SLC35D2: variants seen among roughly 807,000 people sequenced by gnomAD.
The protein encoded by SLC35D2 is solute carrier family 35 member D2.
In SLC35D2, 43 loss-of-function variants were observed where a neutral mutation model predicts 41.8. The observed-to-expected ratio is 1.03, with a 90% confidence interval of 0.81 to 1.33. The LOEUF (loss-of-function observed/expected upper bound fraction) is 1.33. SLC35D2 is among the 40% of genes most tolerant of loss of function. The probability of loss-of-function intolerance (pLI) is 0.00; values close to 1 mark genes in which losing one functional copy is unlikely to be tolerated. For missense variants in SLC35D2, 380 were observed against 408.4 expected, an observed-to-expected ratio of 0.93 and a Z score of 0.60; for synonymous variants, 150 against 163.9, an observed-to-expected ratio of 0.92 and a Z score of 0.65.
At chr9:96,366,795 G>T in intron 2 of SLC35D2, among the ~76,000 whole-genome samples, 1 of 148,924 alleles carries the variant, frequency 6.7e-6, no homozygotes. Context: ...TTTTTTTAAC[G>T]TGCTTTTTCC....
intron 8 of SLC35D2, among the ~76,000 whole-genome samples, chr9:96,337,381 T>C (rs1193999060): frequency 2.1e-5 from 3 of 145,590 alleles, no homozygotes; most frequent in African/African-American, 7.5e-5. Flanking sequence ...GCCTGGCTAA[T>C]TTTTTTTTTT....
chr9:96,324,048 T>C, intron 10 of SLC35D2, 43 bp downstream of exon 10: 1 of 1,542,194 alleles, frequency 6.5e-7, no homozygotes, highest in Non-Finnish European at 9.0e-7. Context: ...TGGATTTCCA[T>C]TCCTTGACTC....
At chr9:96,338,955 CAAA>C (rs1454836913) in intron 8 of SLC35D2, among the ~76,000 whole-genome samples, 1 of 152,138 alleles carries the variant, frequency 6.6e-6, no homozygotes, top group Non-Finnish European at 1.5e-5. Context: ...TCTATTCTCT[CAAA>C]GAGCTAAAAG....
intron 1 of SLC35D2, among the ~76,000 whole-genome samples, chr9:96,371,067 C>T: frequency 6.6e-6 from 1 of 152,166 alleles, no homozygotes; most frequent in East Asian, 1.9e-4. Flanking sequence ...AGAAAACCAC[C>T]ACTATACAGG....
chr9:96,361,262 C>T (rs1170283267), intron 3 of SLC35D2, among the ~76,000 whole-genome samples: 4 of 152,122 alleles, frequency 2.6e-5, no homozygotes, highest in African/African-American at 9.7e-5. Flanking sequence ...TCTTGTTTTT[C>T]CCCACATTTA....
exon 12 of SLC35D2, among the ~76,000 whole-genome samples, chr9:96,313,620 T>C (rs1827982999): frequency 6.6e-6 from 1 of 152,200 alleles, no homozygotes; most frequent in African/African-American, 2.4e-5. Flanking sequence ...GACTATCTAA[T>C]GTAACCCAAG....
chr9:96,316,067 T>G (rs2130814747), downstream of SLC35D2, among the ~76,000 whole-genome samples: 1 of 152,340 alleles, frequency 6.6e-6, no homozygotes, highest in African/African-American at 2.4e-5. Context: ...CTACTGTGGT[T>G]TCTCCTACAT....
chr9:96,370,130 AT>A (rs1830620005), intron 1 of SLC35D2, among the ~76,000 whole-genome samples: 3 of 152,242 alleles, frequency 2.0e-5, no homozygotes, highest in African/African-American at 7.2e-5. Flanking sequence ...CTGCAGGGGT[AT>A]AACGGCTACA....
intron 9 of SLC35D2, among the ~76,000 whole-genome samples, chr9:96,328,590 T>G (rs999511667): frequency 5.3e-5 from 8 of 152,222 alleles, no homozygotes; most frequent in African/African-American, 1.7e-4. Flanking sequence ...GCTCAAAGCC[T>G]TCTTCTTCCT....
intron 1 of SLC35D2, among the ~76,000 whole-genome samples, chr9:96,378,490 A>G (rs1489697555): frequency 2.6e-5 from 4 of 152,166 alleles, no homozygotes; most frequent in African/African-American, 7.2e-5. Context: ...CTAAACATAT[A>G]TAGTAAATAG....
chr9:96,352,154 G>A lies in SLC35D2; in HGVS notation c.348-45C>T, dbSNP rs1246891800. 6 of 1,363,894 alleles carry A rather than the reference G, an allele frequency of 4.4e-6. No homozygotes were observed. The African/African-American group carries it at 8.6e-5, about 20-fold the overall frequency. The allele number at this position is 1,363,894 out of a possible 1,614,324, so 84.5% of individuals were successfully genotyped here. A position where few individuals can be genotyped will look rare whatever the true frequency, so the allele number is the denominator to read the frequency against. Reference sequence around the variant, plus strand: ...GCATGTCAGACACCAAGGGTTGGTTGATTGGTTTTATCTTTTACATGTTTT... The same window carrying A: ...GCATGTCAGACACCAAGGGTTGGTTAATTGGTTTTATCTTTTACATGTTTT... On this transcript the variant is annotated intron_variant, in intron 4 of 11. Coordinates refer to ENST00000253270, the MANE Select transcript of SLC35D2 (RefSeq NM_007001.3).
At chr9:96,383,093 G>C (rs1005440278) in intron 1 of SLC35D2, among the ~76,000 whole-genome samples, 1 of 152,288 alleles carries the variant, frequency 6.6e-6, no homozygotes, top group South Asian at 2.1e-4. Context: ...AATCAATACA[G>C]ACTTACTGGC....
At position 96,324,847 on chromosome 9, in the gene SLC35D2, G is replaced by T. The variant is rs576027857; in HGVS notation, c.753-678C>A. Among the ~76,000 whole-genome samples the T allele has an allele frequency of 1.6e-4, 24 of 151,570 alleles. No homozygotes were observed. The East Asian group carries it at 4.7e-3, about 30-fold the overall frequency. On this transcript the variant is annotated intron_variant, in intron 9 of 11. Transcript: ENST00000253270. ...TAGGATTACAGGCGTGAGCCACCGC[G>T]CCTGGCCCGCCTGCTGCACTTCCAA...
chr9:96,366,063 G>C (rs1380521073), intron 2 of SLC35D2, among the ~76,000 whole-genome samples: 3 of 152,108 alleles, frequency 2.0e-5, no homozygotes, highest in African/African-American at 7.2e-5. Context: ...CAACACTTTG[G>C]AGGCCAAGGT....
At chr9:96,359,809 A>T (rs1830186716) in intron 4 of SLC35D2, among the ~76,000 whole-genome samples, 1 of 152,202 alleles carries the variant, frequency 6.6e-6, no homozygotes, top group Admixed American at 6.5e-5. Flanking sequence ...GGCTGAGGAG[A>T]TGTTCCTGCT....
chr9:96,368,385 A>G, intron 1 of SLC35D2, 80 bp from the exon 2 acceptor site: 2 of 1,048,708 alleles, frequency 1.9e-6, no homozygotes, highest in Non-Finnish European at 2.8e-6. Flanking sequence ...ATGACAAGTT[A>G]TTAAACAATC....
At chr9:96,376,478 G>A (rs1442481589) in intron 1 of SLC35D2, among the ~76,000 whole-genome samples, 4 of 146,276 alleles carry the variant, frequency 2.7e-5, no homozygotes, top group African/African-American at 5.1e-5. Context: ...GCATGGTGGC[G>A]GGTGCCTGTA....
At chr9:96,352,864 C>G (rs1363411231) in intron 4 of SLC35D2, among the ~76,000 whole-genome samples, 2 of 151,892 alleles carry the variant, frequency 1.3e-5, no homozygotes, top group Admixed American at 6.6e-5. Context: ...ATGGTGAAAC[C>G]CTGTTTCCAC....
intron 10 of SLC35D2, among the ~76,000 whole-genome samples, chr9:96,323,718 A>T (rs1828366996): frequency 6.6e-6 from 1 of 152,040 alleles, no homozygotes; most frequent in Non-Finnish European, 1.5e-5. Flanking sequence ...CGAGGTCAGG[A>T]GTTCAAGACC....
Sources: allele counts gnomAD v4.1 joint callset (sites outside exome capture counted in the v4.1 genomes callset), GRCh38; gene constraint gnomAD v4.1.1; transcripts MANE v1.5; gene names NCBI Gene and HGNC (gene_info 2026-07-23, HGNC 2026-07-21).